NOVA1: variants seen among roughly 807,000 people sequenced by gnomAD.
NOVA1 encodes NOVA alternative splicing regulator 1, also known as RNA-binding protein Nova-1.
NOVA1 carries 7 observed loss-of-function variants against 38.0 expected under a neutral mutation model. The observed-to-expected ratio is 0.18, with a 90% CI of 0.10 to 0.35. The LOEUF is 0.35. Among genes scored for constraint, NOVA1 ranks in the 10% least tolerant of loss-of-function variants. NOVA1 has a pLI of 1.00. For synonymous variants in NOVA1, 270 were observed against 232.5 expected (o/e 1.16, Z -1.47); for missense variants, 460 against 616.0 (o/e 0.75, Z 2.68).
At chr14:26,467,443 C>G (rs1468892683) in intron 4 of NOVA1, among the ~76,000 whole-genome samples, 1 of 152,062 alleles carries the variant, frequency 6.6e-6, no homozygotes. Context: ...AATACAGACA[C>G]TGGGAAATAG....
intron 2 of NOVA1, among the ~76,000 whole-genome samples, chr14:26,482,001 A>AC (rs1566463348): frequency 1.3e-5 from 2 of 150,692 alleles, no homozygotes; most frequent in African/African-American, 4.9e-5. Flanking sequence ...AAAAAAAAAA[A>AC]AAAAAAAAAA....
chr14:26,516,839 A>G (rs1283784237), intron 2 of NOVA1, among the ~76,000 whole-genome samples: 2 of 151,934 alleles, frequency 1.3e-5, no homozygotes, highest in Non-Finnish European at 2.9e-5. Flanking sequence ...AATAAAGTCC[A>G]AATTCCTTAT....
At chr14:26,551,814 G>C (rs1247271765) in intron 2 of NOVA1, among the ~76,000 whole-genome samples, 1 of 151,538 alleles carries the variant, frequency 6.6e-6, no homozygotes, top group African/African-American at 2.4e-5. Context: ...ACTCCTTTTA[G>C]GTATTTTTCT....
intron 4 of NOVA1, among the ~76,000 whole-genome samples, chr14:26,466,881 C>T (rs1429729348): frequency 2.0e-5 from 3 of 152,180 alleles, no homozygotes; most frequent in Non-Finnish European, 4.4e-5. Flanking sequence ...AGCAAGAAAG[C>T]CCTCATCAGA....
intron 2 of NOVA1, among the ~76,000 whole-genome samples, chr14:26,482,250 C>T (rs574824052): frequency 6.6e-5 from 10 of 151,992 alleles, no homozygotes; most frequent in Admixed American, 3.3e-4. Context: ...GCAGTACATA[C>T]TGTTTGAAAA....
intron 4 of NOVA1, among the ~76,000 whole-genome samples, chr14:26,471,005 T>C (rs969364995): frequency 3.9e-5 from 6 of 152,110 alleles, no homozygotes; most frequent in African/African-American, 1.2e-4. Flanking sequence ...TTAAACTTCA[T>C]GCATTTGTAA....
intron 2 of NOVA1, among the ~76,000 whole-genome samples, chr14:26,589,385 GAC>G (rs1017420092): frequency 3.3e-5 from 5 of 151,548 alleles, no homozygotes; most frequent in African/African-American, 7.3e-5. Context: ...AGAAATAAAT[GAC>G]ACAGTAATTT....
At chr14:26,588,305 G>C (rs1893652540) in intron 2 of NOVA1, 1 of 150,924 alleles carries the variant, frequency 6.6e-6, no homozygotes, top group Admixed American at 6.6e-5. Context: ...AAATAAAAAA[G>C]AAAAATATAA....
At chr14:26,454,559 C>G (rs1184772256) in intron 4 of NOVA1, among the ~76,000 whole-genome samples, 1 of 152,226 alleles carries the variant, frequency 6.6e-6, no homozygotes, top group Middle Eastern at 3.4e-3. Context: ...AAAGCCATCA[C>G]AGAGGAAATA....
In NOVA1 at chr14:26,448,967, T is replaced by C. The variant is rs756068895; in HGVS notation, c.520-4A>G. On this transcript the variant is annotated splice_polypyrimidine_tract_variant and splice_region_variant and intron_variant, in intron 4 of 4. Transcript: ENST00000539517. This position sits in a 1 kb window ranked among gnomAD's most constrained non-coding sequence, Gnocchi z 5.3. ...TGTTGGGAACTATAATCTTTACCTG[T>C]AATTAAAAAAAATACGTATAAATAA... The C allele has an allele frequency of 2.3e-5, 36 of 1,586,746 alleles. No homozygotes were observed. Among genetic ancestry groups the C allele is most frequent in the Non-Finnish European group, 2.9e-5 (34 of 1,167,146 alleles).
intron 2 of NOVA1, among the ~76,000 whole-genome samples, chr14:26,514,829 A>T (rs997514663): frequency 6.6e-6 from 1 of 151,816 alleles, no homozygotes; most frequent in Non-Finnish European, 1.5e-5. Context: ...CACACTAAAA[A>T]CTATATACAT....
At chr14:26,527,672 C>G (rs1389375968) in intron 2 of NOVA1, among the ~76,000 whole-genome samples, 2 of 152,142 alleles carry the variant, frequency 1.3e-5, no homozygotes, top group Non-Finnish European at 2.9e-5. Flanking sequence ...CTTAAGGATA[C>G]TACTTGGCAC....
intron 4 of NOVA1, among the ~76,000 whole-genome samples, chr14:26,465,705 AG>A (rs141989366): frequency 0.041 from 6,245 of 152,262 alleles, 188 homozygotes; most frequent in South Asian, 0.097. Context: ...GTAAAAAAAA[AG>A]AATTTTAGAG....
rs1882230292 is a variant in NOVA1, at chr14:26,448,016, T to G, written c.1467A>C (p.Thr489=). The G allele has an allele frequency of 1.2e-6, 2 of 1,614,034 alleles. No individual in the cohort carries two copies. Among genetic ancestry groups the G allele is most frequent in the Admixed American group, 1.7e-5 (1 of 59,996 alleles). Residue 489 remains threonine, a synonymous_variant, in exon 5 of 5, where the codon ACA becomes ACC. Transcript: ENST00000539517. The surrounding 1 kb of genome is among the most constrained non-coding windows in gnomAD (Gnocchi z 5.3). ...AATQAAQYLI[T]QRITYEQGVR... ...CTCCTTGCTCATATGTGATCCTTTG[T>G]GTAATTAAATATTGAGCAGCCTGTG...
chr14:26,476,312 G>C (rs1280574118), intron 3 of NOVA1, among the ~76,000 whole-genome samples: 1 of 152,078 alleles, frequency 6.6e-6, no homozygotes, highest in East Asian at 1.9e-4. Context: ...AACAGCATAA[G>C]TGACTTCTTT....
chr14:26,451,391 G>A (rs980214580), intron 4 of NOVA1, among the ~76,000 whole-genome samples: 9 of 151,546 alleles, frequency 5.9e-5, no homozygotes, highest in East Asian at 5.8e-4. Flanking sequence ...TTTGAGAGAC[G>A]GAGTCTTGCT....
intron 2 of NOVA1, among the ~76,000 whole-genome samples, chr14:26,523,025 C>T (rs2138511856): frequency 6.6e-6 from 1 of 152,254 alleles, no homozygotes; most frequent in Non-Finnish European, 1.5e-5. Flanking sequence ...TCCAAGCAGA[C>T]TATTCATAGA....
At chr14:26,572,920 T>C (rs1892581324) in intron 2 of NOVA1, among the ~76,000 whole-genome samples, 1 of 152,160 alleles carries the variant, frequency 6.6e-6, no homozygotes. Context: ...ATCACATTTA[T>C]TTTGAAATAC....
chr14:26,505,967 C>G (rs768526826), intron 2 of NOVA1, among the ~76,000 whole-genome samples: 2 of 151,808 alleles, frequency 1.3e-5, no homozygotes, highest in Non-Finnish European at 2.9e-5. Flanking sequence ...TATTTAGAAA[C>G]CTTAAAAATG....
Sources: allele counts gnomAD v4.1 joint callset (sites outside exome capture counted in the v4.1 genomes callset), GRCh38; gene constraint gnomAD v4.1.1; non-coding constraint Gnocchi (gnomAD v3.1); transcripts MANE v1.5; gene names NCBI Gene and HGNC (gene_info 2026-07-23, HGNC 2026-07-21).